Variants in MBD5 observed in about 807,000 individuals in gnomAD.
MBD5 encodes methyl-CpG binding domain protein 5, also known as methyl-CpG-binding domain protein 5.
Under a neutral mutation model 117.3 loss-of-function variants are expected in MBD5, and 13 were observed. That is an observed-to-expected ratio of 0.11 (90% CI 0.07 to 0.18). MBD5 has a LOEUF of 0.18. MBD5 is among the 10% of genes least tolerant of loss of function. The probability of loss-of-function intolerance (pLI) is 1.00; values close to 1 mark genes in which losing one functional copy is unlikely to be tolerated. For synonymous variants in MBD5, 727 were observed against 766.4 expected, an observed-to-expected ratio of 0.95 and a Z score of 0.85; for missense variants, 1,879 against 2,093.8, an observed-to-expected ratio of 0.90 and a Z score of 2.00.
At chr2:148,177,237 A>G (rs1012099363) in intron 1 of MBD5, among the ~76,000 whole-genome samples, 1 of 152,222 alleles carries the variant, frequency 6.6e-6, no homozygotes, top group African/African-American at 2.4e-5. Context: ...AGTAATAGTC[A>G]GTGTTCATAT....
intron 1 of MBD5, among the ~76,000 whole-genome samples, chr2:148,032,839 A>G (rs1269044624): frequency 6.6e-6 from 1 of 152,184 alleles, no homozygotes; most frequent in African/African-American, 2.4e-5. Context: ...TTTAACAGAA[A>G]TAACATTGGA....
intron 1 of MBD5, among the ~76,000 whole-genome samples, chr2:148,158,440 T>C (rs1697922959): frequency 6.6e-6 from 1 of 152,218 alleles, no homozygotes; most frequent in African/African-American, 2.4e-5. Flanking sequence ...TTTAAGACTT[T>C]TGGCCATTTG....
At chr2:148,226,180 G>A (rs1025979948) in intron 2 of MBD5, among the ~76,000 whole-genome samples, 6 of 151,426 alleles carry the variant, frequency 4.0e-5, no homozygotes, top group African/African-American at 1.2e-4. Flanking sequence ...TGTTATGTAT[G>A]TTCATATGTG....
At chr2:148,023,001 A>G (rs532672846) in intron 1 of MBD5, among the ~76,000 whole-genome samples, 36 of 151,968 alleles carry the variant, frequency 2.4e-4, no homozygotes, top group Middle Eastern at 3.4e-3. Flanking sequence ...TGTTTCATAT[A>G]TACATTTCTT....
At chr2:148,491,225 C>G (rs1433570385) in intron 11 of MBD5, among the ~76,000 whole-genome samples, 1 of 150,806 alleles carries the variant, frequency 6.6e-6, no homozygotes, top group Non-Finnish European at 1.5e-5. Context: ...AATTAGATCA[C>G]ATAAATTAAA....
chr2:148,490,746 GA>G, intron 11 of MBD5, 152 bp downstream of exon 11: 3 of 924,168 alleles, frequency 3.2e-6, no homozygotes, highest in Non-Finnish European at 4.9e-6. Context: ...ATAAAATGAA[GA>G]GGGGATGGTT....
At chr2:148,485,652 T>C in intron 9 of MBD5, 90 bp from the exon 10 acceptor site, 2 of 985,496 alleles carry the variant, frequency 2.0e-6, no homozygotes, top group Non-Finnish European at 1.6e-6. Flanking sequence ...TAGCACTTAG[T>C]TTCTGTTTCA....
intron 3 of MBD5, among the ~76,000 whole-genome samples, chr2:148,249,721 G>T (rs1474134858): frequency 6.6e-6 from 1 of 151,978 alleles, no homozygotes; most frequent in African/African-American, 2.4e-5. Context: ...TGTGAATTTT[G>T]TGGGCAGTAT....
intron 1 of MBD5, among the ~76,000 whole-genome samples, chr2:148,125,221 A>AT (rs1312295247): frequency 6.6e-6 from 1 of 151,778 alleles, no homozygotes; most frequent in Non-Finnish European, 1.5e-5. Context: ...ATCTTTCATA[A>AT]TTTTTTTAAC....
chr2:148,382,570 T>C (rs1331391760), intron 4 of MBD5, among the ~76,000 whole-genome samples: 1 of 152,020 alleles, frequency 6.6e-6, no homozygotes. Context: ...AACAAGGATA[T>C]CCAAGAATTG....
intron 1 of MBD5, among the ~76,000 whole-genome samples, chr2:148,030,871 A>G (rs760856167): frequency 1.3e-5 from 2 of 152,206 alleles, no homozygotes; most frequent in African/African-American, 2.4e-5. Flanking sequence ...ATAGCTTGAT[A>G]GAGAATAAAG....
At chr2:148,184,023 AT>A (rs11404995) in intron 2 of MBD5, among the ~76,000 whole-genome samples, 5,621 of 140,858 alleles carry the variant, frequency 0.04, 142 homozygotes, top group Admixed American at 0.078. Flanking sequence ...ATCCTTCTTA[AT>A]TTTTTTTTTT....
In MBD5 at chr2:148,266,530, G is replaced by A. The variant is rs539000224; in HGVS notation, c.-680+33135G>A. On this transcript the variant is annotated intron_variant, in intron 3 of 13. Transcript: ENST00000642680. ...CATTATACTAGAAGTTCTACCCAATGCAGTAATAAAAAGAGAAAGAAGAGA... is the reference window on the plus strand; with the variant it reads ...CATTATACTAGAAGTTCTACCCAATACAGTAATAAAAAGAGAAAGAAGAGA... 8.5e-5 allele frequency among the ~76,000 whole-genome samples: 13 copies of A among 152,064 alleles called. No homozygotes were observed. In the South Asian group the frequency reaches 1.2e-3, roughly 15 times the overall value.
intron 1 of MBD5, among the ~76,000 whole-genome samples, chr2:148,105,177 T>G (rs1696335839): frequency 6.6e-6 from 1 of 152,002 alleles, no homozygotes; most frequent in Non-Finnish European, 1.5e-5. Flanking sequence ...CTGTTTAATG[T>G]CTGCAGCATC....
intron 3 of MBD5, among the ~76,000 whole-genome samples, chr2:148,298,376 C>T (rs1701705166): frequency 6.6e-6 from 1 of 152,176 alleles, no homozygotes; most frequent in South Asian, 2.1e-4. Flanking sequence ...AGTGGAGCTT[C>T]TGTCCTGCTG....
At chr2:148,159,328 A>G (rs997905846) in intron 1 of MBD5, among the ~76,000 whole-genome samples, 1 of 151,250 alleles carries the variant, frequency 6.6e-6, no homozygotes, top group South Asian at 2.1e-4. Context: ...TGTTGTTGTT[A>G]TTGTTTTGAG....
At chr2:148,188,446 G>T (rs889567273) in intron 2 of MBD5, among the ~76,000 whole-genome samples, 1 of 152,134 alleles carries the variant, frequency 6.6e-6, no homozygotes, top group Non-Finnish European at 1.5e-5. Context: ...AACACTTTGG[G>T]AGGCCAAGGG....
At chr2:148,426,200 C>A (rs190922352) in intron 4 of MBD5, among the ~76,000 whole-genome samples, 458 of 152,258 alleles carry the variant, frequency 3.0e-3, no homozygotes, top group Non-Finnish European at 3.4e-3. Context: ...TAGGAAGAAT[C>A]AATATTGTGA....
chr2:148,374,541 T>C (rs1482599346), intron 4 of MBD5, among the ~76,000 whole-genome samples: 1 of 152,214 alleles, frequency 6.6e-6, no homozygotes, highest in Non-Finnish European at 1.5e-5. Flanking sequence ...AAGTGTAATG[T>C]AGAATTTAAA....
Sources: gnomAD v4.1 joint callset for allele counts (sites outside exome capture counted in the v4.1 genomes callset) on GRCh38, gnomAD v4.1.1 for gene constraint, MANE v1.5 for transcripts, NCBI Gene and HGNC (gene_info 2026-07-23, HGNC 2026-07-21) for gene names.